Variants in LAMA2 observed in about 807,000 individuals in gnomAD.
LAMA2 encodes laminin subunit alpha 2.
LAMA2 carries 269 observed loss-of-function variants against 364.8 expected under a neutral mutation model. The observed-to-expected ratio is 0.74, with a 90% CI of 0.67 to 0.82. The LOEUF (loss-of-function observed/expected upper bound fraction) is 0.82, where lower values mean the gene tolerates loss of function less well. Ranked by LOEUF, LAMA2 falls within the 40% of genes least tolerant of loss-of-function variation. LAMA2 has a pLI of 0.00. For missense variants in LAMA2, 3,807 were observed against 3,873.2 expected (o/e 0.98, Z 0.45); for synonymous variants, 1,379 against 1,370.6 (o/e 1.01, Z -0.14).
chr6:129,170,439 G>A (rs1266611629), intron 9 of LAMA2, among the ~76,000 whole-genome samples: 2 of 128,958 alleles, frequency 1.6e-5, no homozygotes, highest in East Asian at 2.1e-4. Context: ...TCATTCAGGA[G>A]CAGGTTGTTC....
At chr6:129,225,461 G>A (rs1784187555) in intron 12 of LAMA2, among the ~76,000 whole-genome samples, 3 of 152,096 alleles carry the variant, frequency 2.0e-5, no homozygotes, top group South Asian at 2.1e-4. Flanking sequence ...GCTTTCTCTT[G>A]TGGGCATTTA....
chr6:129,274,034 G>A (rs754121247), intron 17 of LAMA2, among the ~76,000 whole-genome samples: 1 of 151,826 alleles, frequency 6.6e-6, no homozygotes, highest in Non-Finnish European at 1.5e-5. Flanking sequence ...AGCTTTCAAT[G>A]TGGTATTTTA....
At chr6:129,031,244 T>C (rs1037145999) in intron 1 of LAMA2, among the ~76,000 whole-genome samples, 1 of 152,244 alleles carries the variant, frequency 6.6e-6, no homozygotes, top group Admixed American at 6.5e-5. Flanking sequence ...GCATAGAATT[T>C]GCTTTTATAG....
At chr6:129,276,715 C>G (rs1788350312) in intron 17 of LAMA2, among the ~76,000 whole-genome samples, 1 of 152,028 alleles carries the variant, frequency 6.6e-6, no homozygotes, top group Non-Finnish European at 1.5e-5. Flanking sequence ...TGTTGATCCA[C>G]CCTTATCAAA....
intron 1 of LAMA2, among the ~76,000 whole-genome samples, chr6:128,922,673 C>A (rs376463573): frequency 0.073 from 11,073 of 151,092 alleles, 478 homozygotes; most frequent in South Asian, 0.12. Context: ...GTTCACTCTG[C>A]TGGTAGTTTC....
chr6:129,390,376 G>A (rs1257285590), intron 35 of LAMA2, among the ~76,000 whole-genome samples: 1 of 151,738 alleles, frequency 6.6e-6, no homozygotes, highest in Non-Finnish European at 1.5e-5. Context: ...ATACCCCTCT[G>A]CCTGCTCTGC....
At chr6:129,280,281 C>T (rs377012590) in intron 18 of LAMA2, 134 bp downstream of exon 18, 22 of 690,952 alleles carry the variant, frequency 3.2e-5, no homozygotes, top group Non-Finnish European at 4.5e-5. Flanking sequence ...AGTTTCTCAA[C>T]GCACTTGTCA....
intron 28 of LAMA2, among the ~76,000 whole-genome samples, chr6:129,324,448 C>G (rs542962325): frequency 1.3e-5 from 2 of 152,338 alleles, no homozygotes; most frequent in African/African-American, 4.8e-5. Context: ...CACACCTACA[C>G]AGCAATTCAA....
At chr6:129,456,235 T>C in intron 47 of LAMA2, 100 bp from the exon 48 acceptor site, 1 of 1,178,756 alleles carries the variant, frequency 8.5e-7, no homozygotes, top group Non-Finnish European at 1.3e-6. Flanking sequence ...AAAACAAGTC[T>C]CCGCATTTTA....
intron 44 of LAMA2, 111 bp downstream of exon 44, chr6:129,443,179 G>C: frequency 2.8e-6 from 2 of 711,892 alleles, no homozygotes; most frequent in Non-Finnish European, 4.9e-6. Context: ...TAAACATTGC[G>C]TAGCTATTCT....
intron 1 of LAMA2, among the ~76,000 whole-genome samples, chr6:128,884,204 T>C (rs1342566869): frequency 6.6e-6 from 1 of 152,118 alleles, no homozygotes; most frequent in Non-Finnish European, 1.5e-5. Flanking sequence ...CTTTGAAGAG[T>C]TATTTTATTA....
intron 4 of LAMA2, among the ~76,000 whole-genome samples, chr6:129,116,196 T>C (rs1005036678): frequency 6.6e-6 from 1 of 152,152 alleles, no homozygotes; most frequent in East Asian, 1.9e-4. Flanking sequence ...AATACAATTT[T>C]AAGCAAAGTT....
chr6:129,015,483 C>T (rs1281202916), intron 1 of LAMA2, among the ~76,000 whole-genome samples: 2 of 152,118 alleles, frequency 1.3e-5, no homozygotes, highest in Admixed American at 1.3e-4. Flanking sequence ...AAGCATTTCA[C>T]CATGAAAAAC....
At chr6:129,239,563 TCAG>T (rs1785252117) in intron 12 of LAMA2, among the ~76,000 whole-genome samples, 1 of 152,196 alleles carries the variant, frequency 6.6e-6, no homozygotes, top group African/African-American at 2.4e-5. Flanking sequence ...GTCCAATGTC[TCAG>T]CAGATATAGG....
At chr6:129,055,941 A>G (rs1788451701) in intron 2 of LAMA2, among the ~76,000 whole-genome samples, 1 of 152,212 alleles carries the variant, frequency 6.6e-6, no homozygotes, top group Non-Finnish European at 1.5e-5. Flanking sequence ...TTATGATTAA[A>G]CTTTCATAAT....
In LAMA2 at chr6:129,291,673, T is replaced by C. The variant is rs750333077; in HGVS notation, c.2809T>C (p.Cys937Arg). The change falls in exon 20 of 65, where the codon TGT (cysteine) becomes CGT (arginine). Residue 937 changes from cysteine (C) to arginine (R), a missense_variant. By Grantham distance (180) the Cys-to-Arg change is radical. Transcript: ENST00000421865. ...SEVCHSQTGQ[C>R]ECRANVQGQR... ...GGTTTGCCACAGTCAAACTGGACAG[T>C]GTGAGTGCAGAGCCAACGTTCAGGG... 1 of 1,614,108 alleles carries C rather than the reference T, an allele frequency of 6.2e-7. No individual in the cohort carries two copies. Among genetic ancestry groups the C allele is most frequent in the South Asian group, 1.1e-5 (1 of 91,086 alleles).
intron 2 of LAMA2, among the ~76,000 whole-genome samples, chr6:129,055,425 T>C (rs1255532592): frequency 1.3e-5 from 2 of 151,906 alleles, no homozygotes; most frequent in East Asian, 3.9e-4. Flanking sequence ...AACTCTCGAC[T>C]TCACATGATC....
chr6:128,903,012 A>G (rs1272410585), intron 1 of LAMA2, among the ~76,000 whole-genome samples: 1 of 152,186 alleles, frequency 6.6e-6, no homozygotes, highest in Non-Finnish European at 1.5e-5. Flanking sequence ...GTATTATTTC[A>G]TATTAACACA....
At chr6:129,414,355 C>A (rs1424061254) in intron 40 of LAMA2, among the ~76,000 whole-genome samples, 1 of 152,010 alleles carries the variant, frequency 6.6e-6, no homozygotes, top group Non-Finnish European at 1.5e-5. Context: ...GCAAGCCCTA[C>A]AGAGGACAGT....
Sources: allele counts gnomAD v4.1 joint callset (sites outside exome capture counted in the v4.1 genomes callset), GRCh38; gene constraint gnomAD v4.1.1; transcripts MANE v1.5; gene names NCBI Gene and HGNC (gene_info 2026-07-23, HGNC 2026-07-21).